KIFC3: variants seen among roughly 807,000 people sequenced by gnomAD.
The protein encoded by KIFC3 is kinesin family member C3, also known as kinesin-like protein KIFC3.
A neutral mutation model predicts 101.8 loss-of-function variants in KIFC3; 60 were observed. The ratio of observed to expected loss-of-function variants is 0.59; its 90% confidence interval spans 0.48 to 0.73. The LOEUF (loss-of-function observed/expected upper bound fraction) is 0.73. Among genes scored for constraint, KIFC3 ranks in the 30% least tolerant of loss-of-function variants. The probability of loss-of-function intolerance (pLI) is 0.00; values close to 1 mark genes in which losing one functional copy is unlikely to be tolerated. For missense variants in KIFC3, 966 were observed against 1,137.1 expected, an observed-to-expected ratio of 0.85 and a Z score of 2.16; for synonymous variants, 476 against 482.7, an observed-to-expected ratio of 0.99 and a Z score of 0.18.
Position 57,759,807 on chromosome 16 carries a change from G to A in KIFC3, c.2397C>T (p.Pro799=), listed in dbSNP as rs545591486. 3 of 1,610,260 alleles carry A rather than the reference G, an allele frequency of 1.9e-6. No individual in the cohort carries two copies. The highest frequency in any genetic ancestry group is 2.2e-5 in the East Asian group (1 of 44,800). ...TGGGGGCTGAGTGGGCCCGTGCCGA[G>A]GGCTGTGGCGTCTGACAAGCCGGCT... ...EWEPACQTPQ[P]SARAHSAPSS... The change falls in exon 18 of 20, where the codon CCC becomes CCT. Residue 799 remains proline (P), a synonymous_variant. Coordinates refer to ENST00000445690, the MANE Select transcript of KIFC3 (RefSeq NM_001130100.2).
At chr16:57,786,953 C>G (rs12149880) in intron 3 of KIFC3, among the ~76,000 whole-genome samples, 11,129 of 152,284 alleles carry the variant, frequency 0.073, 460 homozygotes, top group South Asian at 0.12. Context: ...TCGGCTCTTC[C>G]CTCCTCCACC....
Position 57,771,569 on chromosome 16 carries a change from G to T in KIFC3, c.499C>A (p.Pro167Thr), listed in dbSNP as rs781973901. The T allele has an allele frequency of 1.9e-6, 3 of 1,613,466 alleles. No individual in the cohort carries two copies. The Admixed American group carries it at 5.0e-5, about 27-fold the overall frequency. The change falls in exon 5 of 20, where the codon CCC becomes ACC. Residue 167 changes from proline (P) to threonine (T), a missense_variant. By Grantham distance (38) the Pro-to-Thr change is conservative (BLOSUM62 -1). Transcript: ENST00000445690. Reference protein sequence around the residue: ...LQELRTKPAGPCPGCEHSQES... With the variant: ...LQELRTKPAGTCPGCEHSQES... ...TGGCTGTGCTCACAACCTGGGCAGGGACCTGCTGGCTTTGTGCGCAGCTCT... is the reference window on the plus strand; with the variant it reads ...TGGCTGTGCTCACAACCTGGGCAGGTACCTGCTGGCTTTGTGCGCAGCTCT...
At chr16:57,768,502 T>C (rs1471801319) in intron 9 of KIFC3, among the ~76,000 whole-genome samples, 1 of 21,846 alleles carries the variant, frequency 4.6e-5, no homozygotes, top group African/African-American at 1.8e-4. Context: ...GGGCCTACCA[T>C]ATATTCTCAC....
chr16:57,759,239 C>T, intron 18 of KIFC3, 86 bp from the exon 19 acceptor site: 1 of 1,475,394 alleles, frequency 6.8e-7, no homozygotes, highest in Non-Finnish European at 9.3e-7. Flanking sequence ...CCCCTTTGGA[C>T]TCAAGGATGG....
At chr16:57,784,420 G>C (rs999553558) in intron 3 of KIFC3, among the ~76,000 whole-genome samples, 1 of 152,224 alleles carries the variant, frequency 6.6e-6, no homozygotes, top group Non-Finnish European at 1.5e-5. Context: ...TTCTTGAGAA[G>C]AGGACACACC....
At position 57,761,066 on chromosome 16, in the gene KIFC3, A is replaced by C; in HGVS notation, c.1978T>G (p.Cys660Gly). Residue 660 changes from cysteine (C) to glycine (G), a missense_variant, in exon 15 of 20, where the codon TGC becomes GGC. By Grantham distance (159) the Cys-to-Gly change is radical (BLOSUM62 -3). Around this residue, in one of 2 missense-constraint regions of KIFC3, gnomAD observed 689 missense variants for 884.6 expected, o/e 0.78. Coordinates refer to ENST00000445690, the MANE Select transcript of KIFC3 (RefSeq NM_001130100.2). Reference sequence around the variant, plus strand: ...CCCGTGGTGCGGAGGCCTGTGCTGCAGTCCACGCCTCGCACCGTCACGATG... The same window carrying C: ...CCCGTGGTGCGGAGGCCTGTGCTGCCGTCCACGCCTCGCACCGTCACGATG... ...LLIVTVRGVDCSTGLRTTGKL... is the reference protein window; with the variant it reads ...LLIVTVRGVDGSTGLRTTGKL... 1.2e-6 allele frequency: 2 copies of C among 1,612,662 alleles called. No individual in the cohort carries two copies. Among genetic ancestry groups the C allele is most frequent in the Non-Finnish European group, 1.7e-6 (2 of 1,179,496 alleles).
chr16:57,855,128 T>TTC, intron 1 of KIFC3, among the ~76,000 whole-genome samples: 1 of 149,594 alleles, frequency 6.7e-6, no homozygotes, highest in South Asian at 2.1e-4. Context: ...TCTTTTTTTT[T>TTC]TTTTTTTTTT....
At chr16:57,860,028 A>AAAAT (rs1179047837) in intron 1 of KIFC3, among the ~76,000 whole-genome samples, 653 of 55,710 alleles carry the variant, frequency 0.012, 8 homozygotes, top group African/African-American at 0.069. Context: ...TCTCAAAAAT[A>AAAAT]AAATAAAATA....
intron 3 of KIFC3, among the ~76,000 whole-genome samples, chr16:57,784,560 G>A (rs1598066136): frequency 1.3e-5 from 2 of 152,224 alleles, no homozygotes; most frequent in East Asian, 3.8e-4. Context: ...TCTCTTTGCT[G>A]GCTCATGGGA....
intron 1 of KIFC3, among the ~76,000 whole-genome samples, chr16:57,801,553 C>T (rs1164223759): frequency 6.6e-6 from 1 of 152,182 alleles, no homozygotes. Flanking sequence ...ATGGGGAATA[C>T]ACGTCTGGGA....
upstream of KIFC3, among the ~76,000 whole-genome samples, chr16:57,804,936 G>T (rs576789977): frequency 6.8e-6 from 1 of 147,528 alleles, no homozygotes; most frequent in Admixed American, 6.8e-5. Flanking sequence ...ACGGGGGCTC[G>T]CTCTGTCACC....
chr16:57,793,845 T>C (rs1173193940), intron 3 of KIFC3, among the ~76,000 whole-genome samples: 6 of 152,254 alleles, frequency 3.9e-5, no homozygotes, highest in African/African-American at 1.4e-4. Context: ...AAAAATCATA[T>C]AAATTTAATT....
At chr16:57,817,934 T>TCATCAC (rs1298450413) in intron 1 of KIFC3, among the ~76,000 whole-genome samples, 4 of 152,066 alleles carry the variant, frequency 2.6e-5, no homozygotes, top group African/African-American at 9.7e-5. Flanking sequence ...ATCACCATCA[T>TCATCAC]CATCACCATC....
intron 12 of KIFC3, 53 bp from the exon 13 acceptor site, chr16:57,762,323 CGTGTG>C (rs1321808778): frequency 6.9e-7 from 1 of 1,440,004 alleles, no homozygotes; most frequent in Non-Finnish European, 9.2e-7. Context: ...CAAAGACGCT[CGTGTG>C]GTGTCTGTCC....
chr16:57,839,905 T>C (rs2055768860), intron 1 of KIFC3, among the ~76,000 whole-genome samples: 2 of 152,132 alleles, frequency 1.3e-5, no homozygotes, highest in Non-Finnish European at 2.9e-5. Context: ...TTCATCACCA[T>C]CCATTTCCAT....
At chr16:57,847,255 GAAGGAAGGAAGGA>G (rs1241916719) in intron 1 of KIFC3, among the ~76,000 whole-genome samples, 1,833 of 102,616 alleles carry the variant, frequency 0.018, 66 homozygotes, top group African/African-American at 0.036. Flanking sequence ...AGGAAGGAAG[GAAGGAAGGAAGGA>G]AGGGAAGGGA....
chr16:57,760,637 C>A, intron 16 of KIFC3, 89 bp downstream of exon 16: 1 of 1,247,024 alleles, frequency 8.0e-7, no homozygotes, highest in South Asian at 1.3e-5. Flanking sequence ...GCGGGGAGGT[C>A]CATTTGCACA....
chr16:57,814,926 A>AT (rs56197907), intron 1 of KIFC3, among the ~76,000 whole-genome samples: 51,576 of 152,032 alleles, frequency 0.34, 9,367 homozygotes, highest in African/African-American at 0.46. Flanking sequence ...CTGGCCTATT[A>AT]TTGCCATTCT....
chr16:57,838,092 A>G (rs1241108517), intron 1 of KIFC3, among the ~76,000 whole-genome samples: 1 of 152,178 alleles, frequency 6.6e-6, no homozygotes. Context: ...AGAGTGCAGA[A>G]TCACCTTTCA....
Sources: allele counts gnomAD v4.1 joint callset (sites outside exome capture counted in the v4.1 genomes callset), GRCh38; gene constraint gnomAD v4.1.1; regional missense constraint gnomAD v4.1.1; transcripts MANE v1.5; gene names NCBI Gene and HGNC (gene_info 2026-07-23, HGNC 2026-07-21).